The following GPC1 variants were observed in gnomAD, a reference collection of about 807,000 sequenced individuals.
GPC1 encodes the protein glypican 1.
A neutral mutation model predicts 51.5 loss-of-function variants in GPC1; 26 were observed. The ratio of observed to expected loss-of-function variants is 0.50; its 90% CI spans 0.37 to 0.70. The LOEUF is 0.70. GPC1 is among the 30% of genes least tolerant of loss of function. The pLI, the probability that GPC1 is intolerant of heterozygous loss-of-function variation, is 0.00. For synonymous variants in GPC1, 380 were observed against 348.3 expected (o/e 1.09, Z -1.01); for missense variants, 775 against 800.5 (o/e 0.97, Z 0.38).
intron 1 of GPC1, among the ~76,000 whole-genome samples, chr2:240,437,019 T>G (rs1358278284): frequency 6.6e-6 from 1 of 152,226 alleles, no homozygotes; most frequent in Non-Finnish European, 1.5e-5. Flanking sequence ...GCTTCACCTT[T>G]CCACGTGTGG....
chr2:240,446,391 G>A (rs1242865218), intron 1 of GPC1, among the ~76,000 whole-genome samples: 2 of 152,248 alleles, frequency 1.3e-5, no homozygotes, highest in Non-Finnish European at 2.9e-5. Flanking sequence ...GCAGAGACAG[G>A]GCACGTATGA....
rs555358815 is a variant in GPC1, at chr2:240,439,345, C to T, written c.166+3261C>T. On this transcript the variant is annotated intron_variant, in intron 1 of 8. Coordinates refer to ENST00000264039, the MANE Select transcript of GPC1 (RefSeq NM_002081.3). ...TCTCCTTGGAGCAGACACCCCTGTTCTCAGGGTCTCCCAGCCTGAGGCAGA... is the reference window on the plus strand; with the variant it reads ...TCTCCTTGGAGCAGACACCCCTGTTTTCAGGGTCTCCCAGCCTGAGGCAGA... Among the ~76,000 whole-genome samples the T allele has an allele frequency of 3.9e-5, 6 of 152,258 alleles. No homozygotes were observed. In the South Asian group the frequency reaches 1.2e-3, roughly 32 times the overall value.
intron 2 of GPC1, among the ~76,000 whole-genome samples, chr2:240,461,717 C>A (rs534202936): frequency 4.2e-4 from 64 of 152,250 alleles, no homozygotes; most frequent in Non-Finnish European, 8.1e-4. Flanking sequence ...GGGGCAGCAG[C>A]CCTGGAGACT....
At position 240,462,291 on chromosome 2, in the gene GPC1, G is replaced by A. The variant is rs1360575044; in HGVS notation, c.426G>A (p.Arg142=). 2 of 1,609,154 alleles carry A rather than the reference G, an allele frequency of 1.2e-6. No homozygotes were observed. The highest frequency in any genetic ancestry group is 1.7e-6 in the Non-Finnish European group (2 of 1,178,408). ...ACACGCAGAACGCGAGGGCCTTCCGGGACCTGTACTCAGAGCTGCGCCTGT... is the reference window on the plus strand; with the variant it reads ...ACACGCAGAACGCGAGGGCCTTCCGAGACCTGTACTCAGAGCTGCGCCTGT... The part of the protein sequence containing the change: ...ELYTQNARAF[R]DLYSELRLYY... Residue 142 remains arginine, a synonymous_variant, in exon 3 of 9, where the codon CGG becomes CGA. Transcript: ENST00000264039.
Position 240,466,368 on chromosome 2 carries a change from C to G in GPC1, c.*78C>G. 1 of 848,374 alleles carries G rather than the reference C, an allele frequency of 1.2e-6. No homozygotes were observed. The highest frequency in any genetic ancestry group is 1.9e-6 in the Non-Finnish European group (1 of 520,478). The allele number at this position is 848,374 out of a possible 1,614,324, so 52.6% of individuals were successfully genotyped here. On this transcript the variant is annotated 3_prime_UTR_variant, in exon 9 of 9. Transcript: ENST00000264039. ...AACACAGACGATATTTAATTCACCTCAGCCTGGAGAGGCCTGGGGTGGGAC... is the reference window on the plus strand; with the variant it reads ...AACACAGACGATATTTAATTCACCTGAGCCTGGAGAGGCCTGGGGTGGGAC...
chr2:240,446,641 T>C (rs2074052624), intron 1 of GPC1, among the ~76,000 whole-genome samples: 1 of 152,132 alleles, frequency 6.6e-6, no homozygotes, highest in Non-Finnish European at 1.5e-5. Context: ...CCATCTCTTG[T>C]CCTGTCCTCG....
chr2:240,453,550 C>T (rs1403209296), intron 1 of GPC1, among the ~76,000 whole-genome samples: 1 of 139,996 alleles, frequency 7.1e-6, no homozygotes, highest in East Asian at 2.1e-4. Context: ...CCCCCTCCCC[C>T]ACCCCCGTGC....
At position 240,467,795 on chromosome 2, in the gene GPC1, A is replaced by AC. The variant is rs2074278286; in HGVS notation, c.*1509dup. The AC allele has an allele frequency of 6.6e-6, 1 of 152,186 alleles. No homozygotes were observed. The highest frequency in any genetic ancestry group is 2.4e-5 in the African/African-American group (1 of 41,426). 9.4% of individuals were successfully genotyped at this position (152,186 alleles called of 1,614,324 possible). On this transcript the variant is annotated 3_prime_UTR_variant, in exon 9 of 9. Coordinates refer to ENST00000264039, the MANE Select transcript of GPC1 (RefSeq NM_002081.3). Reference sequence around the variant, plus strand: ...AGGAGCCCCCAACACAGGCAAGTCCACCCCATAATAACCCTGCCAGTGCCA... The same window carrying AC: ...AGGAGCCCCCAACACAGGCAAGTCCACCCCCATAATAACCCTGCCAGTGCCA...
chr2:240,441,085 C>T (rs1211308608), intron 1 of GPC1, among the ~76,000 whole-genome samples: 12 of 152,290 alleles, frequency 7.9e-5, no homozygotes, highest in Non-Finnish European at 2.9e-5. Flanking sequence ...TGTACCTTCA[C>T]ACCAGCAATC....
intron 1 of GPC1, among the ~76,000 whole-genome samples, chr2:240,447,746 G>A (rs114069684): frequency 0.019 from 2,854 of 152,258 alleles, 82 homozygotes; most frequent in African/African-American, 0.065. Flanking sequence ...AGGCTGGCCC[G>A]CCCTCTGCCC....
Position 240,465,557 on chromosome 2 carries a change from G to A in GPC1, c.1353G>A (p.Met451Ile). 1 of 1,613,132 alleles carries A rather than the reference G, an allele frequency of 6.2e-7. No homozygotes were observed. Among genetic ancestry groups the A allele is most frequent in the South Asian group, 1.1e-5 (1 of 91,082 alleles). ...AGGTGGACATCACCAAGCCGGACAT[G>A]ACCATCCGGCAGCAGATCATGCAGC... ...EVEVDITKPD[M>I]TIRQQIMQLK... The change falls in exon 8 of 9, where the codon ATG (methionine) becomes ATA (isoleucine). Residue 451 changes from methionine to isoleucine, a missense_variant. Coordinates refer to ENST00000264039, the MANE Select transcript of GPC1 (RefSeq NM_002081.3).
intron 1 of GPC1, among the ~76,000 whole-genome samples, chr2:240,447,713 C>A (rs2074061438): frequency 6.6e-6 from 1 of 152,220 alleles, no homozygotes; most frequent in African/African-American, 2.4e-5. Flanking sequence ...GCCCTGCCCA[C>A]AGTCGCTGTG....
At chr2:240,436,792 C>A (rs769078213) in intron 1 of GPC1, among the ~76,000 whole-genome samples, 1 of 152,242 alleles carries the variant, frequency 6.6e-6, no homozygotes, top group Admixed American at 6.5e-5. Context: ...AGCCTCGTGC[C>A]GCGAGTCCAG....
At chr2:240,465,988 C>T (rs2074257953) in intron 8 of GPC1, 70 bp from the exon 9 acceptor site, 3 of 916,772 alleles carry the variant, frequency 3.3e-6, no homozygotes, top group African/African-American at 3.5e-5. Context: ...TGGCACGGGC[C>T]CTTACAGGGT....
intron 4 of GPC1, chr2:240,464,262 T>G: frequency 3.1e-6 from 1 of 323,454 alleles, no homozygotes; most frequent in Non-Finnish European, 6.0e-6. Flanking sequence ...CACGGGCTCA[T>G]GTGCACACAA....
At chr2:240,465,040 G>A (rs1408624768) in intron 6 of GPC1, 37 bp from the exon 7 acceptor site, 3 of 1,581,428 alleles carry the variant, frequency 1.9e-6, no homozygotes. Flanking sequence ...AGGCGGGCGG[G>A]CCCTGGCAGC....
intron 1 of GPC1, among the ~76,000 whole-genome samples, chr2:240,454,574 T>C (rs1024237317): frequency 1.3e-5 from 2 of 152,136 alleles, no homozygotes; most frequent in Admixed American, 1.3e-4. Context: ...CCCTTGCGTG[T>C]TGGGGGGCTG....
intron 8 of GPC1, among the ~76,000 whole-genome samples, 176 bp downstream of exon 8, chr2:240,465,824 C>T (rs2074256858): frequency 6.6e-6 from 1 of 152,034 alleles, no homozygotes; most frequent in Non-Finnish European, 1.5e-5. Context: ...ACCTCTGCGG[C>T]GCCCTGGAGG....
In GPC1 at chr2:240,452,632, G is replaced by C. The variant is rs923059747; in HGVS notation, c.167-6398G>C. On this transcript the variant is annotated intron_variant, in intron 1 of 8. Transcript: ENST00000264039. The stretch of plus-strand genomic sequence containing the variant: ...AGGAGCAGCACCCGCAGGCGGGAGG[G>C]AGGGGCCCGGCCTCGGCGGCGGGCA... Among the ~76,000 whole-genome samples, 3 of 152,182 alleles carry C rather than the reference G, an allele frequency of 2.0e-5. No individual in the cohort carries two copies. In the South Asian group the frequency reaches 6.2e-4, roughly 31 times the overall value.
Sources: gnomAD v4.1 joint callset for allele counts (sites outside exome capture counted in the v4.1 genomes callset) on GRCh38, gnomAD v4.1.1 for gene constraint, MANE v1.5 for transcripts, NCBI Gene and HGNC (gene_info 2026-07-23, HGNC 2026-07-21) for gene names.